Variants in LYST observed in about 807,000 individuals in gnomAD.
LYST encodes the protein lysosomal-trafficking regulator.
A neutral mutation model predicts 413.6 loss-of-function variants in LYST; 192 were observed. The observed-to-expected ratio is 0.46, with a 90% CI of 0.41 to 0.52. LYST has a LOEUF of 0.52. Among genes scored for constraint, LYST ranks in the 20% least tolerant of loss-of-function variants. The pLI is 0.00. For missense variants in LYST, 3,815 were observed against 4,499.9 expected (o/e 0.85, Z 4.35); for synonymous variants, 1,525 against 1,567.3 (o/e 0.97, Z 0.64).
At chr1:235,764,031 G>A (rs1667857646) in intron 21 of LYST, among the ~76,000 whole-genome samples, 1 of 152,028 alleles carries the variant, frequency 6.6e-6, no homozygotes, top group Non-Finnish European at 1.5e-5. Context: ...TTTGTCCCTA[G>A]GTCCCTCCCA....
chr1:235,775,051 T>TAA lies in LYST; in HGVS notation c.5495_5496insTT (p.Leu1833TyrfsTer2). The TAA allele has an allele frequency of 1.2e-6, 2 of 1,612,068 alleles. No individual in the cohort carries two copies. Among genetic ancestry groups the TAA allele is most frequent in the Non-Finnish European group, 1.7e-6 (2 of 1,179,626 alleles). ...ATGAGAGTATAACTCGCAGTGCTAA[T>TAA]GCTTGAGTTTCTTCACAGCTACTGA... is the stretch of plus-strand genomic sequence containing the variant. On this transcript the variant is annotated frameshift_variant, in exon 18 of 53. Transcript: ENST00000389793. LOFTEE classifies it high-confidence loss of function.
intron 3 of LYST, among the ~76,000 whole-genome samples, chr1:235,819,797 C>T (rs1674556136): frequency 6.6e-6 from 1 of 152,148 alleles, no homozygotes; most frequent in African/African-American, 2.4e-5. Context: ...AAGTGCCTGC[C>T]ACCACGCCCA....
intron 18 of LYST, 130 bp from the exon 19 acceptor site, chr1:235,774,121 C>T (rs1408399736): frequency 4.5e-6 from 3 of 672,148 alleles, no homozygotes; most frequent in Non-Finnish European, 7.9e-6. Context: ...TTTAACACTT[C>T]ACAAAGTATC....
Position 235,677,154 on chromosome 1 carries a change from T to C in LYST, c.10975A>G (p.Ser3659Gly). Residue 3659 changes from serine to glycine, a missense_variant, in exon 50 of 53, where the codon AGC becomes GGC. Physicochemically the swap from Ser to Gly is moderately conservative, Grantham distance 56. This residue lies in a region of LYST where 866 missense variants were observed against 1,156.0 expected (regional missense o/e 0.75). Transcript: ENST00000389793. ...CYVQSLAGHK[S>G]PVTAVSASET... Reference sequence around the variant, plus strand: ...CTGGCAGAGACAGCTGTGACAGGGCTTTTGTGTCCCGCCAGACTTTGTACA... The same window carrying C: ...CTGGCAGAGACAGCTGTGACAGGGCCTTTGTGTCCCGCCAGACTTTGTACA... 1 of 1,613,796 alleles carries C rather than the reference T, an allele frequency of 6.2e-7. No homozygotes were observed. Among genetic ancestry groups the C allele is most frequent in the Non-Finnish European group, 8.5e-7 (1 of 1,179,716 alleles).
intron 21 of LYST, among the ~76,000 whole-genome samples, chr1:235,764,370 C>A (rs1052310267): frequency 5.3e-5 from 8 of 152,094 alleles, no homozygotes; most frequent in Admixed American, 5.2e-4. Flanking sequence ...CTCTCAGAAT[C>A]TTTATCCACA....
chr1:235,757,794 T>C (rs1010925158), intron 23 of LYST, among the ~76,000 whole-genome samples: 1 of 152,194 alleles, frequency 6.6e-6, no homozygotes, highest in Non-Finnish European at 1.5e-5. Context: ...ATGTGGCTAG[T>C]GCTGACTGTA....
intron 10 of LYST, 32 bp downstream of exon 10, chr1:235,800,288 C>T (rs376757986): frequency 9.7e-6 from 13 of 1,336,862 alleles, no homozygotes; most frequent in Non-Finnish European, 1.3e-5. Context: ...AAAATAATTT[C>T]AGAGCTATTG....
chr1:235,817,755 T>C (rs1674324963), intron 3 of LYST, among the ~76,000 whole-genome samples: 1 of 151,972 alleles, frequency 6.6e-6, no homozygotes, highest in Non-Finnish European at 1.5e-5. Context: ...AAACTATCGA[T>C]TGGGTACCAT....
At chr1:235,763,108 A>AT (rs548474114) in intron 21 of LYST, among the ~76,000 whole-genome samples, 2 of 152,098 alleles carry the variant, frequency 1.3e-5, no homozygotes, top group Non-Finnish European at 2.9e-5. Flanking sequence ...ACTTATAGTT[A>AT]TTTCTATGGT....
At chr1:235,714,263 T>C (rs1282940086) in intron 42 of LYST, among the ~76,000 whole-genome samples, 2 of 152,146 alleles carry the variant, frequency 1.3e-5, no homozygotes, top group Non-Finnish European at 2.9e-5. Flanking sequence ...GCAGCTGGGA[T>C]AGGACCATGC....
chr1:235,757,394 G>C lies in LYST; in HGVS notation c.6946C>G (p.Leu2316Val), dbSNP rs1433271364. 6.2e-7 allele frequency: 1 copy of C among 1,613,380 alleles called. No individual in the cohort carries two copies. The highest frequency in any genetic ancestry group is 1.7e-5 in the Admixed American group (1 of 59,966). ...GLYELLSGVL[L>V]ILPDVLLEDV... Reference sequence around the variant, plus strand: ...TCAAGCAAAACATCAGGCAGGATAAGAAGAACCCCACTTAGGAGTTCATAT... The same window carrying C: ...TCAAGCAAAACATCAGGCAGGATAACAAGAACCCCACTTAGGAGTTCATAT... Residue 2316 changes from leucine to valine, a missense_variant, in exon 24 of 53, where the codon CTT becomes GTT. Physicochemically the swap from Leu to Val is conservative, Grantham distance 32 (BLOSUM62 1). Around this residue, in one of 4 missense-constraint regions of LYST, gnomAD observed 771 missense variants for 837.1 expected, o/e 0.92. Coordinates refer to ENST00000389793, the MANE Select transcript of LYST (RefSeq NM_000081.4).
At chr1:235,772,455 C>T (rs528444430) in intron 19 of LYST, among the ~76,000 whole-genome samples, 1 of 151,966 alleles carries the variant, frequency 6.6e-6, no homozygotes, top group African/African-American at 2.4e-5. Context: ...AGAACCCTGC[C>T]ACACTTAGAG....
chr1:235,715,061 G>A, intron 42 of LYST, 140 bp downstream of exon 42: 1 of 802,284 alleles, frequency 1.2e-6, no homozygotes, highest in East Asian at 2.7e-5. Flanking sequence ...AGCACTTTGG[G>A]CAAGGAATAA....
chr1:235,733,167 AT>A (rs1186314287), intron 34 of LYST, among the ~76,000 whole-genome samples: 2 of 152,096 alleles, frequency 1.3e-5, no homozygotes, highest in African/African-American at 4.8e-5. Flanking sequence ...GCTTTTTGTT[AT>A]TTGTAATACA....
At chr1:235,861,049 C>T (rs1224338297) in intron 1 of LYST, among the ~76,000 whole-genome samples, 1 of 151,812 alleles carries the variant, frequency 6.6e-6, no homozygotes, top group Non-Finnish European at 1.5e-5. Flanking sequence ...CTTGTTATTG[C>T]TAAGTAGTAA....
At chr1:235,710,515 A>G (rs560322282) in intron 43 of LYST, among the ~76,000 whole-genome samples, 3 of 152,302 alleles carry the variant, frequency 2.0e-5, no homozygotes, top group Admixed American at 2.0e-4. Context: ...CTCCTGACCC[A>G]AAGCAGACAA....
chr1:235,754,904 C>T (rs930739193), intron 25 of LYST, among the ~76,000 whole-genome samples: 1 of 149,648 alleles, frequency 6.7e-6, no homozygotes, highest in Non-Finnish European at 1.5e-5. Flanking sequence ...CAAGACCCAT[C>T]TCCACTAAAA....
At chr1:235,738,684 G>C in intron 31 of LYST, 1 of 1,607,240 alleles carries the variant, frequency 6.2e-7, no homozygotes, top group East Asian at 2.2e-5. Flanking sequence ...ACAGTGGAAA[G>C]AGGTTCACAA....
At chr1:235,793,442 A>C (rs1572276250) in intron 11 of LYST, 61 bp downstream of exon 11, 2 of 797,684 alleles carry the variant, frequency 2.5e-6, no homozygotes, top group East Asian at 2.6e-5. Flanking sequence ...AATACATTCT[A>C]TTAAAAATTG....
Sources: allele counts gnomAD v4.1 joint callset (sites outside exome capture counted in the v4.1 genomes callset), GRCh38; gene constraint gnomAD v4.1.1; regional missense constraint gnomAD v4.1.1; transcripts MANE v1.5; gene names NCBI Gene and HGNC (gene_info 2026-07-23, HGNC 2026-07-21).